The following NHSL1 variants were observed in gnomAD, a reference collection of about 807,000 sequenced individuals.
NHSL1 encodes NHS-like protein 1.
NHSL1 carries 48 observed loss-of-function variants against 95.0 expected under a neutral mutation model. The observed-to-expected ratio is 0.51, with a 90% CI of 0.40 to 0.64. NHSL1 has a LOEUF of 0.64. Ranked by LOEUF, NHSL1 falls within the 30% of genes least tolerant of loss-of-function variation. NHSL1 has a pLI of 0.00. For synonymous variants in NHSL1, 783 were observed against 833.9 expected, an observed-to-expected ratio of 0.94 and a Z score of 1.05; for missense variants, 1,971 against 2,077.7, an observed-to-expected ratio of 0.95 and a Z score of 1.00.
intron 1 of NHSL1, among the ~76,000 whole-genome samples, chr6:138,632,369 T>C (rs1454152155): frequency 6.6e-6 from 1 of 151,884 alleles, no homozygotes; most frequent in Non-Finnish European, 1.5e-5. Flanking sequence ...AGGCCTTGAG[T>C]GAACATAGGT....
intron 1 of NHSL1, among the ~76,000 whole-genome samples, chr6:138,592,959 T>C (rs949042199): frequency 3.3e-5 from 5 of 152,180 alleles, no homozygotes; most frequent in African/African-American, 1.2e-4. Flanking sequence ...TTTACTTGCT[T>C]CCTCATTTTC....
chr6:138,499,075 G>A (rs187740567), intron 1 of NHSL1, among the ~76,000 whole-genome samples, 158 bp downstream of exon 1: 32 of 151,626 alleles, frequency 2.1e-4, no homozygotes, highest in South Asian at 1.5e-3. Context: ...TGCCTATTAC[G>A]CTGTTTCACA....
At chr6:138,462,179 T>C (rs370775788) in intron 3 of NHSL1, among the ~76,000 whole-genome samples, 31 of 152,362 alleles carry the variant, frequency 2.0e-4, no homozygotes, top group East Asian at 9.6e-4. Context: ...CTAGGTAGTT[T>C]ATAAAGAGTA....
chr6:138,432,039 G>C lies in NHSL1; in HGVS notation c.2306C>G (p.Thr769Arg). ...CGTGTACTCTGACTTGACGCTGCTT[G>C]TGTCACTCTGCGATGGCGTGGCCCC... ...LCGATPSQSDTSSVKSEYTDP... is the reference protein window; with the variant it reads ...LCGATPSQSDRSSVKSEYTDP... The change falls in exon 6 of 8, where the codon ACA becomes AGA. Residue 769 changes from threonine (T) to arginine (R), a missense_variant. Coordinates refer to ENST00000343505, the MANE Select transcript of NHSL1 (RefSeq NM_001144060.2). The surrounding 1 kb of genome is among the most constrained non-coding windows in gnomAD (Gnocchi z 4.4). 6.4e-7 allele frequency: 1 copy of C among 1,551,750 alleles called. No homozygotes were observed. The highest frequency in any genetic ancestry group is 8.7e-7 in the Non-Finnish European group (1 of 1,147,002).
intron 1 of NHSL1, among the ~76,000 whole-genome samples, chr6:138,581,473 C>T (rs981164993): frequency 6.6e-6 from 1 of 151,946 alleles, no homozygotes; most frequent in Non-Finnish European, 1.5e-5. Flanking sequence ...GAGAGGATCA[C>T]CTGAGGTCAG....
intron 1 of NHSL1, among the ~76,000 whole-genome samples, chr6:138,663,560 CA>C (rs56870354): frequency 0.43 from 41,369 of 95,496 alleles, 6,945 homozygotes; most frequent in South Asian, 0.54. Context: ...AACTCCATCT[CA>C]AAAAAAAAAA....
chr6:138,472,760 A>C lies in NHSL1; in HGVS notation c.339+546T>G, dbSNP rs553214039. 1.2e-4 allele frequency among the ~76,000 whole-genome samples: 19 copies of C among 152,332 alleles called. 1 individual carries two copies. In the South Asian group the frequency reaches 3.9e-3, roughly 32 times the overall value. On this transcript the variant is annotated intron_variant, in intron 3 of 7. Coordinates refer to ENST00000343505, the MANE Select transcript of NHSL1 (RefSeq NM_001144060.2). ...TCACCAGAGATGGCAGAGGAAAAGG[A>C]ACCCAAATGTAAAATAGCATCACTA... is the stretch of plus-strand genomic sequence containing the variant.
At chr6:138,658,114 GTCTC>G (rs536961834) in intron 1 of NHSL1, among the ~76,000 whole-genome samples, 26 of 152,194 alleles carry the variant, frequency 1.7e-4, no homozygotes, top group Non-Finnish European at 2.6e-4. Flanking sequence ...GGCTATAGGA[GTCTC>G]TCTAACTCTC....
Position 138,692,036 on chromosome 6 carries a change from G to A in NHSL1, c.96+440C>T, listed in dbSNP as rs1286567117. On this transcript the variant is annotated intron_variant, in intron 1 of 3. Coordinates refer to the NHSL1 transcript ENST00000491526. The surrounding 1 kb of genome is among the most constrained non-coding windows in gnomAD (Gnocchi z 4.0). ...CCGAGATCCCCAGGGTTTTACAAACGGATCGTCCTGAAGTCTCCAAAACTG... is the reference window on the plus strand; with the variant it reads ...CCGAGATCCCCAGGGTTTTACAAACAGATCGTCCTGAAGTCTCCAAAACTG... 1 of 456,626 alleles carries A rather than the reference G, an allele frequency of 2.2e-6. No individual in the cohort carries two copies. The highest frequency in any genetic ancestry group is 2.3e-5 in the Admixed American group (1 of 42,578). 28.3% of individuals were successfully genotyped at this position (456,626 alleles called of 1,614,324 possible).
intron 1 of NHSL1, among the ~76,000 whole-genome samples, chr6:138,589,731 C>T (rs951221670): frequency 1.3e-5 from 2 of 152,074 alleles, no homozygotes; most frequent in African/African-American, 2.4e-5. Context: ...CTAGATAATA[C>T]GCTCCTTTCC....
intron 1 of NHSL1, among the ~76,000 whole-genome samples, chr6:138,665,712 A>G (rs1785285271): frequency 6.6e-6 from 1 of 152,120 alleles, no homozygotes; most frequent in Non-Finnish European, 1.5e-5. Flanking sequence ...ATCATATCCC[A>G]ATTTGTTTTA....
At chr6:138,655,978 T>G (rs1050088352) in intron 1 of NHSL1, among the ~76,000 whole-genome samples, 2 of 152,100 alleles carry the variant, frequency 1.3e-5, no homozygotes, top group African/African-American at 2.4e-5. Context: ...AGAGCTTACC[T>G]CCCCCAAAAA....
chr6:138,553,280 G>C (rs962808460), intron 1 of NHSL1, among the ~76,000 whole-genome samples: 2 of 152,052 alleles, frequency 1.3e-5, no homozygotes, highest in African/African-American at 4.8e-5. Flanking sequence ...TCAGGCTATT[G>C]CCTCCTTTGT....
chr6:138,561,164 A>G (rs1405384692), intron 1 of NHSL1, among the ~76,000 whole-genome samples: 1 of 152,244 alleles, frequency 6.6e-6, no homozygotes, highest in Non-Finnish European at 1.5e-5. Flanking sequence ...TTATTAAGCT[A>G]TGTCTTAAAA....
intron 1 of NHSL1, among the ~76,000 whole-genome samples, chr6:138,596,056 G>C (rs1302756901): frequency 6.6e-6 from 1 of 152,202 alleles, no homozygotes; most frequent in East Asian, 1.9e-4. Context: ...ATGAAAGTAT[G>C]TTTTCCTTTG....
intron 1 of NHSL1, among the ~76,000 whole-genome samples, chr6:138,635,249 AAACAAAACGTTGGTTT>A (rs1171040570): frequency 6.6e-6 from 1 of 152,148 alleles, no homozygotes; most frequent in African/African-American, 2.4e-5. Context: ...TGAAAACATG[AAACAAAACGTTGGTTT>A]TTTGGAAAAG....
At chr6:138,631,360 A>G (rs1168617427) in intron 1 of NHSL1, among the ~76,000 whole-genome samples, 2 of 152,144 alleles carry the variant, frequency 1.3e-5, no homozygotes, top group Non-Finnish European at 2.9e-5. Context: ...AGGGCATGTG[A>G]ACTACTGGGA....
At chr6:138,527,456 T>C (rs1255082281) in intron 1 of NHSL1, among the ~76,000 whole-genome samples, 1 of 152,158 alleles carries the variant, frequency 6.6e-6, no homozygotes, top group African/African-American at 2.4e-5. Flanking sequence ...TTATGAGGCT[T>C]GCAGCACCAT....
intron 1 of NHSL1, among the ~76,000 whole-genome samples, 187 bp from the exon 2 acceptor site, chr6:138,496,558 A>G (rs561095543): frequency 5.3e-5 from 8 of 152,326 alleles, no homozygotes; most frequent in African/African-American, 1.9e-4. Flanking sequence ...TACTTATAAA[A>G]GAAAAGCTGA....
Sources: gnomAD v4.1 joint callset for allele counts (sites outside exome capture counted in the v4.1 genomes callset) on GRCh38, gnomAD v4.1.1 for gene constraint, Gnocchi (gnomAD v3.1) non-coding constraint, MANE v1.5 for transcripts, NCBI Gene and HGNC (gene_info 2026-07-23, HGNC 2026-07-21) for gene names.